The following CTNNA2 variants were observed in gnomAD, a reference collection of about 807,000 sequenced individuals.
The protein encoded by CTNNA2 is catenin alpha-2.
Under a neutral mutation model 101.0 loss-of-function variants are expected in CTNNA2, and 42 were observed. That is an observed-to-expected ratio of 0.42 (90% CI 0.32 to 0.54). CTNNA2 has a LOEUF of 0.54. Among genes scored for constraint, CTNNA2 ranks in the 20% least tolerant of loss-of-function variants. The pLI, the probability that CTNNA2 is intolerant of heterozygous loss-of-function variation, is 0.14. For missense variants in CTNNA2, 871 were observed against 1,223.1 expected, an observed-to-expected ratio of 0.71 and a Z score of 4.29; for synonymous variants, 450 against 456.4, an observed-to-expected ratio of 0.99 and a Z score of 0.18.
At chr2:80,625,829 G>A (rs11126772) in intron 18 of CTNNA2, among the ~76,000 whole-genome samples, 55,045 of 151,780 alleles carry the variant, frequency 0.36, 10,690 homozygotes, top group East Asian at 0.45. Flanking sequence ...GAAATGCACT[G>A]TTTAACTAGG....
intron 1 of CTNNA2, chr2:79,195,808 G>T (rs564746463): frequency 4.5e-5 from 23 of 514,032 alleles, no homozygotes; most frequent in African/African-American, 4.2e-4. Flanking sequence ...AGCAAGGCCC[G>T]GCATAGGGAG....
chr2:79,905,179 A>T (rs995636649), intron 6 of CTNNA2, among the ~76,000 whole-genome samples: 3 of 152,212 alleles, frequency 2.0e-5, no homozygotes, highest in African/African-American at 7.2e-5. Flanking sequence ...TAGAGATGTT[A>T]ATAAAAATAA....
rs561672232 is a variant in CTNNA2, at chr2:79,841,936, G to A, written c.299-16077G>A. Among the ~76,000 whole-genome samples, 10 of 152,224 alleles carry A rather than the reference G, an allele frequency of 6.6e-5. No homozygotes were observed. In the East Asian group the frequency reaches 1.9e-3, roughly 29 times the overall value. ...CATTAGTTGAACATTTATAAATCAG[G>A]ACAAGCATAAATACTTATATGTCTG... is the stretch of plus-strand genomic sequence containing the variant. On this transcript the variant is annotated intron_variant, in intron 3 of 18. Transcript: ENST00000402739.
rs11431024 is a variant in CTNNA2 at position 80,624,242 on chromosome 2, G to GAA, written c.2574+5021_2574+5022dup. Among the ~76,000 whole-genome samples, 6 of 151,506 alleles carry GAA rather than the reference G, an allele frequency of 4.0e-5. No homozygotes were observed. In the East Asian group the frequency reaches 9.8e-4, roughly 25 times the overall value. ...TTCTTTAATTAAGTGAACTTCCTTG[G>GAA]AAAAAAAACGTGTATGTCAGCATTC... On this transcript the variant is annotated intron_variant, in intron 18 of 18. Transcript: ENST00000402739.
intron 9 of CTNNA2, among the ~76,000 whole-genome samples, chr2:80,489,018 T>C (rs1244164093): frequency 6.6e-6 from 1 of 152,100 alleles, no homozygotes; most frequent in African/African-American, 2.4e-5. Context: ...TTATGCAGAG[T>C]TGGTTATAAG....
intron 7 of CTNNA2, among the ~76,000 whole-genome samples, chr2:79,977,758 T>C (rs1383323137): frequency 1.3e-5 from 2 of 152,274 alleles, no homozygotes; most frequent in African/African-American, 4.8e-5. Flanking sequence ...TCCCTCCCCC[T>C]CTTTTTCTTT....
At chr2:79,379,019 G>A (rs1678010935) in intron 4 of CTNNA2, among the ~76,000 whole-genome samples, 4 of 152,098 alleles carry the variant, frequency 2.6e-5, no homozygotes, top group African/African-American at 9.7e-5. Context: ...TCCTATGCCA[G>A]TTGCCTCACT....
intron 9 of CTNNA2, among the ~76,000 whole-genome samples, chr2:80,432,097 T>G (rs1269845669): frequency 6.6e-6 from 1 of 152,194 alleles, no homozygotes; most frequent in African/African-American, 2.4e-5. Context: ...CTAGATATTT[T>G]ACATTCTTTT....
At chr2:80,346,431 C>G (rs556849963) in intron 7 of CTNNA2, among the ~76,000 whole-genome samples, 1 of 152,186 alleles carries the variant, frequency 6.6e-6, no homozygotes, top group East Asian at 1.9e-4. Context: ...AGAGATCTCA[C>G]TTATCACCAT....
intron 2 of CTNNA2, among the ~76,000 whole-genome samples, chr2:79,282,707 G>A (rs1453811684): frequency 4.2e-5 from 6 of 143,298 alleles, no homozygotes; most frequent in East Asian, 2.1e-4. Flanking sequence ...GAATAGTGCC[G>A]CAATAAACAT....
In CTNNA2 at chr2:79,490,671, G is replaced by A. The variant is rs147222688; in HGVS notation, c.-134-14383G>A. On this transcript the variant is annotated intron_variant, in intron 4 of 21. Transcript: ENST00000466387. ...ACAATGAATGGTTATTGAAATGTGT[G>A]AGAGGCAAAGACTTAGACTTCTCAC... Among the ~76,000 whole-genome samples, 445 of 152,296 alleles carry A rather than the reference G, an allele frequency of 2.9e-3. 5 individuals are homozygous for A. The highest frequency in any genetic ancestry group is 0.01 in the African/African-American group (421 of 41,550).
intron 3 of CTNNA2, among the ~76,000 whole-genome samples, chr2:79,356,344 A>G (rs901489085): frequency 3.3e-5 from 5 of 152,042 alleles, no homozygotes; most frequent in Non-Finnish European, 5.9e-5. Flanking sequence ...ATAAATTCTT[A>G]TTACTATAAC....
chr2:79,903,912 G>A (rs775782556), intron 6 of CTNNA2, among the ~76,000 whole-genome samples: 123 of 152,344 alleles, frequency 8.1e-4, no homozygotes, highest in Non-Finnish European at 1.5e-3. Flanking sequence ...AGGTGCAGCA[G>A]ATGGAGATGG....
At chr2:79,914,116 G>A (rs1686010555) in intron 7 of CTNNA2, among the ~76,000 whole-genome samples, 3 of 141,006 alleles carry the variant, frequency 2.1e-5, no homozygotes, top group Non-Finnish European at 3.0e-5. Flanking sequence ...GCAGTGAGCC[G>A]AGATCCCGCC....
intron 2 of CTNNA2, among the ~76,000 whole-genome samples, chr2:79,740,122 C>A (rs1029686723): frequency 6.6e-6 from 1 of 152,068 alleles, no homozygotes; most frequent in African/African-American, 2.4e-5. Flanking sequence ...AGGTATTTAA[C>A]CTAATGCTTA....
chr2:80,577,991 GA>G, intron 13 of CTNNA2, among the ~76,000 whole-genome samples: 1 of 152,320 alleles, frequency 6.6e-6, no homozygotes, highest in Admixed American at 6.5e-5. Context: ...TGAAATGACT[GA>G]ATCCTTCAAT....
intron 3 of CTNNA2, among the ~76,000 whole-genome samples, chr2:79,760,786 C>A (rs1007594489): frequency 1.3e-5 from 2 of 152,152 alleles, no homozygotes; most frequent in South Asian, 4.1e-4. Flanking sequence ...TTCTATGACA[C>A]AATGCAGTGT....
intron 7 of CTNNA2, among the ~76,000 whole-genome samples, chr2:80,072,128 C>A (rs1464123847): frequency 6.6e-6 from 1 of 152,154 alleles, no homozygotes; most frequent in African/African-American, 2.4e-5. Flanking sequence ...AAAATAGTGT[C>A]AACTCTTAGC....
At chr2:79,764,348 T>C (rs1439519585) in intron 3 of CTNNA2, among the ~76,000 whole-genome samples, 1 of 152,224 alleles carries the variant, frequency 6.6e-6, no homozygotes, top group African/African-American at 2.4e-5. Context: ...TATACAAAAC[T>C]ATAGGCAACC....
Sources: allele counts gnomAD v4.1 joint callset (sites outside exome capture counted in the v4.1 genomes callset), GRCh38; gene constraint gnomAD v4.1.1; transcripts MANE v1.5; gene names NCBI Gene and HGNC (gene_info 2026-07-23, HGNC 2026-07-21).